Variants in LRRK1 observed in about 807,000 individuals in gnomAD.
LRRK1 encodes the protein leucine rich repeat kinase 1.
LRRK1 carries 113 observed loss-of-function variants against 209.1 expected under a neutral mutation model. That is an observed-to-expected ratio of 0.54 (90% CI 0.46 to 0.63). LRRK1 has a LOEUF of 0.63. LRRK1 is among the 30% of genes least tolerant of loss of function. LRRK1 has a pLI of 0.00. For synonymous variants in LRRK1, 1,144 were observed against 1,099.7 expected, an observed-to-expected ratio of 1.04 and a Z score of -0.80; for missense variants, 2,284 against 2,632.2, an observed-to-expected ratio of 0.87 and a Z score of 2.89.
chr15:100,947,840 C>T (rs761011998), intron 2 of LRRK1, among the ~76,000 whole-genome samples: 4 of 152,116 alleles, frequency 2.6e-5, no homozygotes, highest in Admixed American at 6.5e-5. Context: ...ATCGTATAAT[C>T]CATTTGTTAA....
rs191248511 is a variant in LRRK1 at position 101,000,333 on chromosome 15, T to A, written c.763-8504T>A. The stretch of plus-strand genomic sequence containing the variant: ...TTTGGCTTTCTAAGAGTCTGTTCCT[T>A]GCCTTTCCTTTTGTTATCTGTGTGA... On this transcript the variant is annotated intron_variant, in intron 6 of 33. Transcript: ENST00000388948. Among the ~76,000 whole-genome samples, 191 of 152,350 alleles carry A rather than the reference T, an allele frequency of 1.3e-3. 1 individual carries two copies. Among genetic ancestry groups the A allele is most frequent in the Non-Finnish European group, 2.0e-3 (139 of 68,034 alleles).
chr15:101,030,056 TCTC>T (rs896041491), intron 20 of LRRK1, among the ~76,000 whole-genome samples: 10 of 152,118 alleles, frequency 6.6e-5, no homozygotes, highest in African/African-American at 2.4e-4. Flanking sequence ...TCTGTGGACT[TCTC>T]CTGGATCTGT....
At chr15:101,067,857 T>C (rs1373321327) in intron 33 of LRRK1, among the ~76,000 whole-genome samples, 3 of 152,364 alleles carry the variant, frequency 2.0e-5, no homozygotes, top group South Asian at 2.1e-4. Context: ...CTGCCATTAA[T>C]GTCCTAACGT....
rs188587121 is a variant in LRRK1 at position 100,985,388 on chromosome 15, G to T, written c.433+1689G>T. On this transcript the variant is annotated intron_variant, in intron 4 of 33. Transcript: ENST00000388948. ...TGAATACTGTCAAGTGCTGAAAACT[G>T]TGTAGAACGTGAGAGACAGATAATT... is the stretch of plus-strand genomic sequence containing the variant. Among the ~76,000 whole-genome samples the T allele has an allele frequency of 7.2e-3, 1,097 of 152,306 alleles. 17 individuals are homozygous for T. Among genetic ancestry groups the T allele is most frequent in the African/African-American group, 0.025 (1,055 of 41,576 alleles).
intron 33 of LRRK1, among the ~76,000 whole-genome samples, chr15:101,066,958 A>G (rs930745910): frequency 6.6e-6 from 1 of 152,222 alleles, no homozygotes; most frequent in Non-Finnish European, 1.5e-5. Flanking sequence ...TGGAGTACCC[A>G]GTGCACCTGT....
intron 2 of LRRK1, among the ~76,000 whole-genome samples, chr15:100,942,797 C>T (rs12900230): frequency 4.6e-5 from 7 of 152,182 alleles, no homozygotes; most frequent in South Asian, 4.1e-4. Flanking sequence ...GATGGGTGCC[C>T]GGAGTCCCCC....
chr15:100,957,350 A>AT (rs2141629903), intron 2 of LRRK1, among the ~76,000 whole-genome samples: 1 of 151,938 alleles, frequency 6.6e-6, no homozygotes, highest in East Asian at 1.9e-4. Context: ...TTTCTTATTA[A>AT]TTTTCTGTCT....
chr15:100,962,104 A>T (rs573506618), intron 2 of LRRK1, among the ~76,000 whole-genome samples: 1 of 152,372 alleles, frequency 6.6e-6, no homozygotes, highest in South Asian at 2.1e-4. Flanking sequence ...GAACTGGTTC[A>T]CTAAGCCAGG....
chr15:100,960,402 C>T (rs1232101861), intron 2 of LRRK1, among the ~76,000 whole-genome samples: 1 of 150,616 alleles, frequency 6.6e-6, no homozygotes, highest in Non-Finnish European at 1.5e-5. Flanking sequence ...TAATCACAAT[C>T]ATCTTCCCCA....
intron 2 of LRRK1, among the ~76,000 whole-genome samples, chr15:100,962,823 A>ATATT: frequency 8.7e-5 from 1 of 11,544 alleles, no homozygotes; most frequent in African/African-American, 2.5e-4. Context: ...ATATATATAT[A>ATATT]TTTTTTTTTT....
intron 31 of LRRK1, among the ~76,000 whole-genome samples, chr15:101,064,159 C>G (rs1490416147): frequency 2.0e-5 from 3 of 152,280 alleles, no homozygotes; most frequent in African/African-American, 4.8e-5. Context: ...CAGATAGAGA[C>G]CTGGAGCCTG....
intron 6 of LRRK1, among the ~76,000 whole-genome samples, chr15:101,005,399 A>C (rs1175434206): frequency 6.6e-6 from 1 of 152,214 alleles, no homozygotes; most frequent in Non-Finnish European, 1.5e-5. Flanking sequence ...GATTAAAAAC[A>C]ATGATAATGG....
At chr15:100,942,081 G>C (rs2042449154) in intron 2 of LRRK1, among the ~76,000 whole-genome samples, 1 of 152,236 alleles carries the variant, frequency 6.6e-6, no homozygotes, top group African/African-American at 2.4e-5. Context: ...AGGATTTGGA[G>C]CAGGAGGTGG....
At chr15:101,026,595 G>C (rs993371093) in intron 17 of LRRK1, among the ~76,000 whole-genome samples, 1 of 152,226 alleles carries the variant, frequency 6.6e-6, no homozygotes, top group African/African-American at 2.4e-5. Flanking sequence ...GCATCACGAC[G>C]TGTCCATACA....
chr15:101,076,695 G>A lies in LRRK1; in HGVS notation c.*7847G>A, dbSNP rs916946603. 6.6e-6 allele frequency: 1 copy of A among 151,990 alleles called. No homozygotes were observed. The highest frequency in any genetic ancestry group is 2.4e-5 in the African/African-American group (1 of 41,282). 9.4% of individuals were successfully genotyped at this position (151,990 alleles called of 1,614,324 possible). On this transcript the variant is annotated 3_prime_UTR_variant, in exon 34 of 34. Coordinates refer to ENST00000388948, the MANE Select transcript of LRRK1 (RefSeq NM_024652.6). ...CATCTGCTATTCTACTGCTCCTCAGGGATTATTCAGGCCCCCTCCCTTCCC... is the reference window on the plus strand; with the variant it reads ...CATCTGCTATTCTACTGCTCCTCAGAGATTATTCAGGCCCCCTCCCTTCCC...
intron 12 of LRRK1, among the ~76,000 whole-genome samples, chr15:101,018,688 G>C (rs1315886110): frequency 6.6e-6 from 1 of 152,328 alleles, no homozygotes; most frequent in Admixed American, 6.5e-5. Context: ...GCAGCCCGCA[G>C]AAGTACATCT....
chr15:101,039,707 C>T (rs1331862986), intron 20 of LRRK1, among the ~76,000 whole-genome samples: 1 of 152,176 alleles, frequency 6.6e-6, no homozygotes, highest in Admixed American at 6.5e-5. Flanking sequence ...GTGATGTTTT[C>T]TGCAGAGCTT....
chr15:101,029,356 AC>A lies in LRRK1; in HGVS notation c.2963+125del, dbSNP rs1207230781. The A allele has an allele frequency of 8.7e-6, 9 of 1,033,826 alleles. 1 individual carries two copies. The highest frequency in any genetic ancestry group is 3.1e-4 in the Middle Eastern group (1 of 3,266). The allele number at this position is 1,033,826 out of a possible 1,614,324, so 64.0% of individuals were successfully genotyped here. The stretch of plus-strand genomic sequence containing the variant: ...ATCAGTGCTGCCACTGCTGCCCCCT[AC>A]GGACAGGCCAGCACCCGATGACCTG... On this transcript the variant is annotated intron_variant, in intron 20 of 33. Transcript: ENST00000388948.
At position 101,024,642 on chromosome 15, in the gene LRRK1, A is replaced by G. The variant is rs1294200543; in HGVS notation, c.2068-161A>G. Among the ~76,000 whole-genome samples, 1 of 152,234 alleles carries G rather than the reference A, an allele frequency of 6.6e-6. No individual in the cohort carries two copies. The highest frequency in any genetic ancestry group is 1.9e-4 in the East Asian group (1 of 5,198). The stretch of plus-strand genomic sequence containing the variant: ...CACCGGGCCCCTGTCCCTCGCCCAG[A>G]TAACTGTTTCCTAAGAAACAATAGA... On this transcript the variant is annotated intron_variant, in intron 15 of 33. Transcript: ENST00000388948. The surrounding 1 kb of genome is among the most constrained non-coding windows in gnomAD (Gnocchi z 4.6).
Sources: allele counts gnomAD v4.1 joint callset (sites outside exome capture counted in the v4.1 genomes callset), GRCh38; gene constraint gnomAD v4.1.1; non-coding constraint Gnocchi (gnomAD v3.1); transcripts MANE v1.5; gene names NCBI Gene and HGNC (gene_info 2026-07-23, HGNC 2026-07-21).